BNC2: variants seen among roughly 807,000 people sequenced by gnomAD.
BNC2 encodes zinc finger protein basonuclin-2.
Under a neutral mutation model 76.3 loss-of-function variants are expected in BNC2, and 20 were observed. The observed-to-expected ratio is 0.26, with a 90% CI of 0.18 to 0.38. BNC2 has a LOEUF of 0.38. Among genes scored for constraint, BNC2 ranks in the 10% least tolerant of loss-of-function variants. The pLI is 1.00. For synonymous variants in BNC2, 582 were observed against 514.8 expected (o/e 1.13, Z -1.77); for missense variants, 1,382 against 1,399.8 (o/e 0.99, Z 0.20).
intron 5 of BNC2, among the ~76,000 whole-genome samples, chr9:16,485,897 T>G (rs775662555): frequency 6.6e-6 from 1 of 152,210 alleles, no homozygotes; most frequent in Admixed American, 6.5e-5. Flanking sequence ...GGTACAAATT[T>G]ATGTGGAATA....
chr9:16,427,242 G>A (rs550449204), intron 6 of BNC2, among the ~76,000 whole-genome samples: 1 of 152,258 alleles, frequency 6.6e-6, no homozygotes, highest in African/African-American at 2.4e-5. Flanking sequence ...CCACGCATAG[G>A]AGCTCTGCAG....
chr9:16,790,375 T>C (rs1314202627), intron 1 of BNC2, among the ~76,000 whole-genome samples: 1 of 152,238 alleles, frequency 6.6e-6, no homozygotes, highest in Non-Finnish European at 1.5e-5. Context: ...CAGTAAAAAC[T>C]GTCTATCAGC....
At chr9:16,800,393 G>C (rs376002856) in intron 1 of BNC2, among the ~76,000 whole-genome samples, 1 of 152,058 alleles carries the variant, frequency 6.6e-6, no homozygotes, top group African/African-American at 2.4e-5. Flanking sequence ...GGAGCACAGC[G>C]TCTGTCCTCT....
At chr9:16,648,134 A>G (rs1432596894) in intron 3 of BNC2, among the ~76,000 whole-genome samples, 2 of 152,172 alleles carry the variant, frequency 1.3e-5, no homozygotes, top group Non-Finnish European at 2.9e-5. Context: ...AGCAACAAAC[A>G]TGGGCAAACA....
At chr9:16,823,933 A>G (rs904988406) in intron 1 of BNC2, among the ~76,000 whole-genome samples, 1 of 152,226 alleles carries the variant, frequency 6.6e-6, no homozygotes, top group Non-Finnish European at 1.5e-5. Flanking sequence ...TTGTGACCTT[A>G]TAAGATGCCT....
At chr9:16,591,314 T>G (rs1347502329) in intron 3 of BNC2, among the ~76,000 whole-genome samples, 1 of 152,150 alleles carries the variant, frequency 6.6e-6, no homozygotes, top group Admixed American at 6.5e-5. Context: ...CTATGACGAA[T>G]GTAAAAGAAT....
chr9:16,581,316 C>T (rs200400925), intron 4 of BNC2, among the ~76,000 whole-genome samples: 5 of 152,168 alleles, frequency 3.3e-5, no homozygotes, highest in Admixed American at 6.5e-5. Context: ...TCCCAGCACT[C>T]TGGGAGGCCG....
chr9:16,695,280 A>G (rs1156892912), intron 3 of BNC2, among the ~76,000 whole-genome samples: 3 of 152,172 alleles, frequency 2.0e-5, no homozygotes, highest in African/African-American at 7.2e-5. Context: ...AATACTTAAA[A>G]TAATACCATT....
At chr9:16,728,174 A>T in intron 2 of BNC2, 177 bp from the exon 3 acceptor site, 1 of 701,350 alleles carries the variant, frequency 1.4e-6, no homozygotes, top group East Asian at 2.6e-5. Context: ...TTATGCATAG[A>T]TTGTGACTCC....
chr9:16,788,324 T>A (rs373563760), intron 1 of BNC2, among the ~76,000 whole-genome samples: 1 of 151,360 alleles, frequency 6.6e-6, no homozygotes, highest in Non-Finnish European at 1.5e-5. Flanking sequence ...GAGGCCAAGG[T>A]GGGCAGATCA....
intron 4 of BNC2, among the ~76,000 whole-genome samples, chr9:16,574,610 C>A (rs1819430017): frequency 6.6e-6 from 1 of 152,164 alleles, no homozygotes; most frequent in South Asian, 2.1e-4. Flanking sequence ...TCTGCAACTG[C>A]ATACTGAAGA....
chr9:16,648,454 G>T (rs1017554141), intron 3 of BNC2, among the ~76,000 whole-genome samples: 18 of 152,206 alleles, frequency 1.2e-4, no homozygotes, highest in African/African-American at 4.3e-4. Context: ...AGAGAGATGT[G>T]TGTAATGCTG....
intron 3 of BNC2, among the ~76,000 whole-genome samples, chr9:16,705,746 T>C (rs1312785866): frequency 6.6e-6 from 1 of 152,078 alleles, no homozygotes; most frequent in Non-Finnish European, 1.5e-5. Context: ...AATGACAAAA[T>C]GATTCAGTAT....
At chr9:16,783,015 G>C (rs1183191749) in intron 1 of BNC2, among the ~76,000 whole-genome samples, 1 of 152,128 alleles carries the variant, frequency 6.6e-6, no homozygotes, top group East Asian at 1.9e-4. Context: ...TTAAGCAAAA[G>C]ACAGGTCTTA....
chr9:16,782,749 C>T (rs1397655287), intron 1 of BNC2, among the ~76,000 whole-genome samples: 1 of 152,196 alleles, frequency 6.6e-6, no homozygotes, highest in African/African-American at 2.4e-5. Flanking sequence ...ATTCTCCTCC[C>T]CTACCAGACT....
At chr9:16,622,260 C>T (rs998317072) in intron 3 of BNC2, among the ~76,000 whole-genome samples, 1 of 152,116 alleles carries the variant, frequency 6.6e-6, no homozygotes, top group Non-Finnish European at 1.5e-5. Flanking sequence ...GTGAAGAACA[C>T]CCAATAGGAA....
intron 3 of BNC2, among the ~76,000 whole-genome samples, chr9:16,688,133 G>A (rs1168801198): frequency 1.3e-5 from 2 of 152,152 alleles, no homozygotes; most frequent in Non-Finnish European, 2.9e-5. Context: ...TCACTGAACG[G>A]TTCATGGTCT....
intron 2 of BNC2, among the ~76,000 whole-genome samples, chr9:16,735,303 G>A (rs1366420586): frequency 2.0e-5 from 3 of 151,366 alleles, no homozygotes; most frequent in African/African-American, 7.3e-5. Flanking sequence ...AGTCCAAACA[G>A]TAACAGTGGC....
At chr9:16,827,896 C>A (rs1200846816) in intron 1 of BNC2, among the ~76,000 whole-genome samples, 1 of 152,106 alleles carries the variant, frequency 6.6e-6, no homozygotes, top group Non-Finnish European at 1.5e-5. Context: ...ATGATATGCC[C>A]ATTCATCCAA....
Sources: allele counts gnomAD v4.1 joint callset (sites outside exome capture counted in the v4.1 genomes callset), GRCh38; gene constraint gnomAD v4.1.1; transcripts MANE v1.5; gene names NCBI Gene and HGNC (gene_info 2026-07-23, HGNC 2026-07-21).